Variants in CRAMP1 observed in about 807,000 individuals in gnomAD.
The protein encoded by CRAMP1 is cramped chromatin regulator 1, also known as protein cramped-like.
Under a neutral mutation model 115.4 loss-of-function variants are expected in CRAMP1, and 50 were observed. That is an observed-to-expected ratio of 0.43 (90% CI 0.35 to 0.55). The LOEUF (loss-of-function observed/expected upper bound fraction) is 0.55. Among genes scored for constraint, CRAMP1 ranks in the 20% least tolerant of loss-of-function variants. CRAMP1 has a pLI of 0.01. For missense variants in CRAMP1, 1,679 were observed against 1,721.7 expected (o/e 0.98, Z 0.44); for synonymous variants, 866 against 745.4 (o/e 1.16, Z -2.64).
chr16:1,675,655 G>A lies in CRAMP1; in HGVS notation c.*1610G>A, dbSNP rs1008428555. ...CCACTGTAGACCACAGGCAGGCCGTGTACTGCACCACTGGGAGGACGTGGA... is the reference window on the plus strand; with the variant it reads ...CCACTGTAGACCACAGGCAGGCCGTATACTGCACCACTGGGAGGACGTGGA... On this transcript the variant is annotated 3_prime_UTR_variant, in exon 21 of 21. Coordinates refer to ENST00000397412, the MANE Select transcript of CRAMP1 (RefSeq NM_020825.4). 6.6e-6 allele frequency: 1 copy of A among 152,326 alleles called. No homozygotes were observed. The highest frequency in any genetic ancestry group is 6.5e-5 in the Admixed American group (1 of 15,290). 9.4% of individuals were successfully genotyped at this position (152,326 alleles called of 1,614,324 possible).
At chr16:1,659,846 G>A in intron 10 of CRAMP1, 40 bp from the exon 11 acceptor site, 2 of 1,589,610 alleles carry the variant, frequency 1.3e-6, no homozygotes, top group Non-Finnish European at 1.7e-6. Context: ...CATTTCTCAT[G>A]TGCTGAGTTT....
chr16:1,638,112 C>T (rs906721556), intron 5 of CRAMP1, among the ~76,000 whole-genome samples: 21 of 152,174 alleles, frequency 1.4e-4, no homozygotes. Context: ...TCTCTTTCTC[C>T]ATGCACATGC....
chr16:1,659,608 C>T (rs1194939574), intron 10 of CRAMP1, among the ~76,000 whole-genome samples: 3 of 152,106 alleles, frequency 2.0e-5, no homozygotes, highest in Non-Finnish European at 4.4e-5. Context: ...AGGATGGTCT[C>T]GATCTCCTGA....
In CRAMP1 at chr16:1,662,777, TC is replaced by T; in HGVS notation, c.2614del (p.Leu872CysfsTer45). 6.2e-7 allele frequency: 1 copy of T among 1,613,950 alleles called. No individual in the cohort carries two copies. Among genetic ancestry groups the T allele is most frequent in the Non-Finnish European group, 8.5e-7 (1 of 1,179,898 alleles). ...CCCTTACAGATGCAGTCGGATTTCT[TC>T]CTGCCAAAGCCCCGGAAGCTGCGGA... The part of the protein sequence containing the change: ...LNSISMQSDF[F>X]LPKPRKLRNR... On this transcript the variant is annotated frameshift_variant, in exon 13 of 21. Coordinates refer to ENST00000397412, the MANE Select transcript of CRAMP1 (RefSeq NM_020825.4). LOFTEE classifies it high-confidence loss of function.
At chr16:1,659,044 G>T (rs1596495306) in intron 10 of CRAMP1, among the ~76,000 whole-genome samples, 1 of 152,140 alleles carries the variant, frequency 6.6e-6, no homozygotes, top group African/African-American at 2.4e-5. Context: ...ATCCCCTGGG[G>T]TTGGGCTCTG....
At position 1,614,850 on chromosome 16, in the gene CRAMP1, C is replaced by G. The variant is rs2036403715; in HGVS notation, c.211C>G (p.Pro71Ala). The change falls in exon 2 of 21, where the codon CCG becomes GCG. Residue 71 changes from proline (P) to alanine (A), a missense_variant. Around this residue, in one of 8 missense-constraint regions of CRAMP1, gnomAD observed 264 missense variants for 229.7 expected, o/e 1.15. Transcript: ENST00000397412. This position sits in a 1 kb window ranked among gnomAD's most constrained non-coding sequence, Gnocchi z 4.4. The stretch of plus-strand genomic sequence containing the variant: ...CCCCGGCGCGCCGCAGGCGCCGTCC[C>G]CGCCGCAGGGCAGCCCCCAGGACCA... ...APPGAPQAPS[P>A]PQGSPQDQHH... 3 of 1,291,798 alleles carry G rather than the reference C, an allele frequency of 2.3e-6. No homozygotes were observed. The East Asian group carries it at 9.3e-5, about 40-fold the overall frequency. 80.0% of individuals were successfully genotyped at this position (1,291,798 alleles called of 1,614,324 possible).
chr16:1,668,946 T>C (rs906809656), intron 18 of CRAMP1, 55 bp from the exon 19 acceptor site: 2 of 1,562,268 alleles, frequency 1.3e-6, no homozygotes, highest in African/African-American at 2.7e-5. Context: ...GAGAAGTGAG[T>C]TGCTGTTCAC....
intron 9 of CRAMP1, 86 bp from the exon 10 acceptor site, chr16:1,655,791 G>A (rs2036766102): frequency 1.4e-6 from 2 of 1,444,828 alleles, no homozygotes; most frequent in African/African-American, 1.4e-5. Context: ...CCAGTGGGGA[G>A]CGTGGCTCGT....
chr16:1,660,833 C>T (rs2036822663), intron 11 of CRAMP1, among the ~76,000 whole-genome samples: 1 of 151,940 alleles, frequency 6.6e-6, no homozygotes. Flanking sequence ...ATGGCGAAAC[C>T]CTGTCTCTAC....
Position 1,675,929 on chromosome 16 carries a change from C to G in CRAMP1, c.*1884C>G, listed in dbSNP as rs547236395. The stretch of plus-strand genomic sequence containing the variant: ...GTATACCAGCTTCCAAAATTAGCAT[C>G]TCATTGAGCCAGAGAAGACAAGGAG... On this transcript the variant is annotated 3_prime_UTR_variant, in exon 21 of 21. Coordinates refer to ENST00000397412, the MANE Select transcript of CRAMP1 (RefSeq NM_020825.4). 3.3e-5 allele frequency: 5 copies of G among 152,382 alleles called. No individual in the cohort carries two copies. The highest frequency in any genetic ancestry group is 1.2e-4 in the African/African-American group (5 of 41,596). The allele number at this position is 152,382 out of a possible 1,614,324, so 9.4% of individuals were successfully genotyped here.
At chr16:1,655,729 A>T in intron 9 of CRAMP1, 148 bp from the exon 10 acceptor site, 1 of 773,024 alleles carries the variant, frequency 1.3e-6, no homozygotes, top group Non-Finnish European at 2.1e-6. Context: ...ATTGTTGGGT[A>T]GTGGTGTGAG....
intron 17 of CRAMP1, 44 bp from the exon 18 acceptor site, chr16:1,667,918 C>A (rs1201960072): frequency 2.3e-6 from 3 of 1,292,774 alleles, no homozygotes; most frequent in Non-Finnish European, 3.3e-6. Context: ...GTCATGGGTT[C>A]TGATAGACCT....
intron 6 of CRAMP1, among the ~76,000 whole-genome samples, chr16:1,648,524 G>A (rs2036695586): frequency 6.6e-6 from 1 of 151,746 alleles, no homozygotes; most frequent in Non-Finnish European, 1.5e-5. Flanking sequence ...AGGATCACTT[G>A]AGCCCAGGAG....
At chr16:1,633,393 C>G (rs1218156557) in intron 4 of CRAMP1, among the ~76,000 whole-genome samples, 1 of 152,278 alleles carries the variant, frequency 6.6e-6, no homozygotes, top group Non-Finnish European at 1.5e-5. Context: ...GTCACCGTTT[C>G]TGGAGATCCA....
intron 13 of CRAMP1, among the ~76,000 whole-genome samples, chr16:1,663,443 G>C (rs1442032823): frequency 6.6e-6 from 1 of 152,202 alleles, no homozygotes; most frequent in East Asian, 1.9e-4. Context: ...TTACAAATGA[G>C]ACATTGCATG....
rs1054305051 is a variant in CRAMP1, at chr16:1,614,533, G to A, written c.-1-106G>A. 2.6e-5 allele frequency: 16 copies of A among 627,318 alleles called. No individual in the cohort carries two copies. Among genetic ancestry groups the A allele is most frequent in the Middle Eastern group, 5.6e-4 (1 of 1,782 alleles). 38.9% of individuals were successfully genotyped at this position (627,318 alleles called of 1,614,324 possible). ...GGCGGGCCGGGCCGAGCCGCCGAGA[G>A]GGGATTTGGAACAAACAACGGCGGC... is the stretch of plus-strand genomic sequence containing the variant. On this transcript the variant is annotated intron_variant, in intron 1 of 20. Transcript: ENST00000397412. The surrounding 1 kb of genome is among the most constrained non-coding windows in gnomAD (Gnocchi z 4.4).
intron 2 of CRAMP1, among the ~76,000 whole-genome samples, chr16:1,623,254 G>A (rs1002346869): frequency 3.3e-5 from 5 of 152,234 alleles, no homozygotes; most frequent in Non-Finnish European, 5.9e-5. Context: ...GCTGGGAGGT[G>A]GCCTGCTCCT....
rs1449906743 is a variant in CRAMP1, at chr16:1,624,177, G to C, written c.347-1796G>C. On this transcript the variant is annotated intron_variant, in intron 2 of 20. Coordinates refer to ENST00000397412, the MANE Select transcript of CRAMP1 (RefSeq NM_020825.4). ...TTAAGTTCTTTTTTTTTTTAAGCCT[G>C]AGTCTCACTCTGTTGCCCAGACTGG... 2.7e-5 allele frequency among the ~76,000 whole-genome samples: 4 copies of C among 149,514 alleles called. No individual in the cohort carries two copies. In the Admixed American group the frequency reaches 2.7e-4, roughly 10 times the overall value.
chr16:1,657,038 A>T (rs1187827698), intron 10 of CRAMP1, 46 bp downstream of exon 10: 1 of 1,448,264 alleles, frequency 6.9e-7, no homozygotes, highest in Non-Finnish European at 9.1e-7. Context: ...AAGGGAAGCC[A>T]GGCCCAGCCT....
Sources: gnomAD v4.1 joint callset for allele counts (sites outside exome capture counted in the v4.1 genomes callset) on GRCh38, gnomAD v4.1.1 for gene constraint, gnomAD v4.1.1 regional missense constraint, Gnocchi (gnomAD v3.1) non-coding constraint, MANE v1.5 for transcripts, NCBI Gene and HGNC (gene_info 2026-07-23, HGNC 2026-07-21) for gene names.